CLVS1: variants seen among roughly 807,000 people sequenced by gnomAD.
CLVS1 encodes the protein clavesin 1.
In CLVS1, 10 loss-of-function variants were observed where a neutral mutation model predicts 33.1. The ratio of observed to expected loss-of-function variants is 0.30; its 90% CI spans 0.19 to 0.51. CLVS1 has a LOEUF of 0.51. CLVS1 is among the 20% of genes least tolerant of loss of function. The pLI is 0.97. For synonymous variants in CLVS1, 163 were observed against 166.1 expected, an observed-to-expected ratio of 0.98 and a Z score of 0.14; for missense variants, 343 against 433.4, an observed-to-expected ratio of 0.79 and a Z score of 1.85.
intron 3 of CLVS1, among the ~76,000 whole-genome samples, chr8:61,418,397 A>G (rs1815527339): frequency 6.6e-6 from 1 of 152,156 alleles, no homozygotes; most frequent in East Asian, 1.9e-4. Context: ...TTTTTACCTA[A>G]TGAATCAGGT....
In CLVS1 at chr8:61,227,229, T is replaced by G. The variant is rs1257969867; in HGVS notation, c.-151-72448T>G. 4.6e-5 allele frequency among the ~76,000 whole-genome samples: 7 copies of G among 152,040 alleles called. No individual in the cohort carries two copies. In the East Asian group the frequency reaches 1.3e-3, roughly 29 times the overall value. On this transcript the variant is annotated intron_variant, in intron 2 of 2. Coordinates refer to the CLVS1 transcript ENST00000522621. ...ACCAGCAGTGCTATTTTGAATTAATTCTCATTAAGAATGAAGTCCTTTTGG... is the reference window on the plus strand; with the variant it reads ...ACCAGCAGTGCTATTTTGAATTAATGCTCATTAAGAATGAAGTCCTTTTGG...
chr8:61,201,044 A>G (rs1348565558), intron 2 of CLVS1, among the ~76,000 whole-genome samples: 2 of 152,212 alleles, frequency 1.3e-5, no homozygotes, highest in Non-Finnish European at 2.9e-5. Context: ...CTAAATTGCA[A>G]TCCTTTCCTT....
Position 61,494,991 on chromosome 8 carries a change from T to C in CLVS1, c.978-4464T>C, listed in dbSNP as rs368761452. On this transcript the variant is annotated intron_variant, in intron 5 of 5. Coordinates refer to ENST00000325897, the MANE Select transcript of CLVS1 (RefSeq NM_173519.3). ...GTTCCTCGGCCTCACTATCTCAGAG[T>C]TGTCTTATTGCTACTCACCATTCAA... Among the ~76,000 whole-genome samples, 147 of 152,150 alleles carry C rather than the reference T, an allele frequency of 9.7e-4. 1 individual carries two copies. The highest frequency in any genetic ancestry group is 3.3e-3 in the African/African-American group (136 of 41,504).
chr8:61,259,047 A>G (rs1300177610), intron 2 of CLVS1, among the ~76,000 whole-genome samples: 5 of 152,248 alleles, frequency 3.3e-5, no homozygotes, highest in South Asian at 2.1e-4. Flanking sequence ...AAAGAATTCT[A>G]TGGTCAAACT....
At chr8:61,093,876 T>A (rs1463567611) in intron 1 of CLVS1, among the ~76,000 whole-genome samples, 7 of 152,250 alleles carry the variant, frequency 4.6e-5, no homozygotes, top group South Asian at 2.1e-4. Flanking sequence ...ATGGCTGTGC[T>A]GTTTTCCCTG....
At chr8:61,140,893 C>T (rs1426795203) in intron 2 of CLVS1, among the ~76,000 whole-genome samples, 1 of 152,116 alleles carries the variant, frequency 6.6e-6, no homozygotes, top group African/African-American at 2.4e-5. Flanking sequence ...GGAAAAAAAT[C>T]CTGTTGTTTA....
At chr8:61,464,237 T>C (rs148590733) in intron 5 of CLVS1, among the ~76,000 whole-genome samples, 1 of 152,306 alleles carries the variant, frequency 6.6e-6, no homozygotes, top group Non-Finnish European at 1.5e-5. Flanking sequence ...CAAAGTACAA[T>C]ATCTGCAAAG....
At chr8:60,992,937 G>A in the CLVS1 span, among the ~76,000 whole-genome samples, 2 of 152,198 alleles carry the variant, frequency 1.3e-5, no homozygotes, top group Admixed American at 6.5e-5. Context: ...CAGTGGAGGA[G>A]CCCTGTCAGG....
rs571988612 is a variant in CLVS1, at chr8:61,121,636, A to G, written c.-242-10134A>G. On this transcript the variant is annotated intron_variant, in intron 1 of 2. Coordinates refer to the CLVS1 transcript ENST00000522621. ...GTTTTTGCAGAAGAATCAAATTCTG[A>G]GTGAACAGATATTGTGGCCTGTGAA... 2.6e-5 allele frequency among the ~76,000 whole-genome samples: 4 copies of G among 152,340 alleles called. No homozygotes were observed. In the East Asian group the frequency reaches 7.7e-4, roughly 29 times the overall value.
At chr8:60,985,718 C>A in the CLVS1 span, among the ~76,000 whole-genome samples, 1 of 151,256 alleles carries the variant, frequency 6.6e-6, no homozygotes, top group South Asian at 2.1e-4. Flanking sequence ...ATAATAGTAG[C>A]TCATGCAGGG....
At chr8:61,222,159 GT>G (rs1295642677) in intron 2 of CLVS1, among the ~76,000 whole-genome samples, 1 of 151,786 alleles carries the variant, frequency 6.6e-6, no homozygotes, top group African/African-American at 2.4e-5. Context: ...ATTTTGGAGG[GT>G]TTTTTTCTGT....
intron 3 of CLVS1, among the ~76,000 whole-genome samples, chr8:61,421,135 C>G (rs1025201896): frequency 2.0e-5 from 3 of 152,104 alleles, no homozygotes; most frequent in Non-Finnish European, 2.9e-5. Flanking sequence ...GATAAAAGTT[C>G]CATTCTGAGG....
At chr8:61,054,654 C>T (rs1181917592), upstream of CLVS1, among the ~76,000 whole-genome samples, 1 of 151,854 alleles carries the variant, frequency 6.6e-6, no homozygotes, top group Non-Finnish European at 1.5e-5. Flanking sequence ...AGTCTGCCAC[C>T]TTTGGGTGTC....
the CLVS1 span, among the ~76,000 whole-genome samples, chr8:60,991,573 C>T: frequency 6.6e-6 from 1 of 152,142 alleles, no homozygotes; most frequent in Non-Finnish European, 1.5e-5. Context: ...CGGCCACAGT[C>T]TGCTTCTGTG....
intron 1 of CLVS1, among the ~76,000 whole-genome samples, chr8:61,089,198 A>T (rs142971468): frequency 2.4e-4 from 36 of 152,130 alleles, no homozygotes; most frequent in African/African-American, 8.5e-4. Flanking sequence ...CCTATTTTTC[A>T]TTGCTCTAAA....
Position 61,299,755 on chromosome 8 carries a change from T to C in CLVS1, c.-73T>C. On this transcript the variant is annotated 5_prime_UTR_variant, in exon 2 of 6. Coordinates refer to ENST00000325897, the MANE Select transcript of CLVS1 (RefSeq NM_173519.3). ...CCTGAATGTGAAAGAAGACCCTCTA[T>C]TTGTCTGTTCCGGGGCAGCCTGGTA... 1.8e-6 allele frequency: 2 copies of C among 1,132,678 alleles called. No homozygotes were observed. The highest frequency in any genetic ancestry group is 1.5e-5 in the African/African-American group (1 of 64,562). The allele number at this position is 1,132,678 out of a possible 1,614,324, so 70.2% of individuals were successfully genotyped here.
chr8:61,021,256 C>T, the CLVS1 span, among the ~76,000 whole-genome samples: 2 of 152,186 alleles, frequency 1.3e-5, no homozygotes, highest in Non-Finnish European at 2.9e-5. Flanking sequence ...TCATGAGATT[C>T]GGTGGGGTTT....
At chr8:61,237,763 T>A (rs1278497865) in intron 2 of CLVS1, among the ~76,000 whole-genome samples, 6 of 152,136 alleles carry the variant, frequency 3.9e-5, no homozygotes, top group Non-Finnish European at 8.8e-5. Flanking sequence ...TACCTATGAA[T>A]CTGCAACATG....
At chr8:61,290,805 A>G (rs1487631795) in intron 1 of CLVS1, among the ~76,000 whole-genome samples, 1 of 152,222 alleles carries the variant, frequency 6.6e-6, no homozygotes, top group African/African-American at 2.4e-5. Context: ...CAGTCCAGAA[A>G]TATGTCCTCA....
Sources: allele counts gnomAD v4.1 joint callset (sites outside exome capture counted in the v4.1 genomes callset), GRCh38; gene constraint gnomAD v4.1.1; transcripts MANE v1.5; gene names NCBI Gene and HGNC (gene_info 2026-07-23, HGNC 2026-07-21).